Variants in FERMT2 observed in about 807,000 individuals in gnomAD.
FERMT2 encodes FERM domain containing kindlin 2.
A neutral mutation model predicts 82.7 loss-of-function variants in FERMT2; 15 were observed. That is an observed-to-expected ratio of 0.18 (90% CI 0.12 to 0.28). The LOEUF (loss-of-function observed/expected upper bound fraction) is 0.28. FERMT2 is among the 10% of genes least tolerant of loss of function. FERMT2 has a pLI of 1.00. For synonymous variants in FERMT2, 274 were observed against 271.5 expected, an observed-to-expected ratio of 1.01 and a Z score of -0.09; for missense variants, 645 against 809.4, an observed-to-expected ratio of 0.80 and a Z score of 2.46.
At chr14:52,863,810 A>C (rs1055424094) in intron 12 of FERMT2, 4 of 152,216 alleles carry the variant, frequency 2.6e-5, no homozygotes, top group African/African-American at 9.6e-5. Flanking sequence ...TGCTGGCTGC[A>C]CTTTATGTCA....
At chr14:52,889,608 T>C (rs1259671770) in intron 4 of FERMT2, among the ~76,000 whole-genome samples, 1 of 152,188 alleles carries the variant, frequency 6.6e-6, no homozygotes, top group Non-Finnish European at 1.5e-5. Flanking sequence ...TTCTGAGAAA[T>C]GTGTCGTTAA....
Position 52,950,542 on chromosome 14 carries a change from T to G in FERMT2, c.27A>C (p.Pro9=), listed in dbSNP as rs1890581667. The G allele has an allele frequency of 1.9e-6, 3 of 1,614,082 alleles. No homozygotes were observed. The highest frequency in any genetic ancestry group is 1.6e-4 in the Middle Eastern group (1 of 6,084). MALDGIRM[P]DGCYADGTWE... is the part of the protein sequence containing the mutation. ...ACGTCCCGTCCGCGTAGCAGCCATC[T>G]GGCATCCTTATCCCGTCCAGAGCCA... The change falls in exon 2 of 15, where the codon CCA becomes CCC. Residue 9 remains proline, a synonymous_variant. Transcript: ENST00000341590.
At chr14:52,921,423 T>C (rs1192536811) in intron 2 of FERMT2, among the ~76,000 whole-genome samples, 1 of 152,244 alleles carries the variant, frequency 6.6e-6, no homozygotes, top group Non-Finnish European at 1.5e-5. Context: ...GTAACTGCTA[T>C]TTTATAACTA....
chr14:52,861,325 A>G lies in FERMT2; in HGVS notation c.1603-860T>C. ...AACCTAAGGGTAGAAATTTGTAGGG[A>G]GAAGATAAAAAGAGCAAATATTTCT... On this transcript the variant is annotated intron_variant, in intron 12 of 14. Coordinates refer to ENST00000341590, the MANE Select transcript of FERMT2 (RefSeq NM_006832.3). The G allele has an allele frequency of 1.1e-5, 4 of 372,276 alleles. No individual in the cohort carries two copies. In the South Asian group the frequency reaches 1.7e-4, roughly 16 times the overall value. The allele number at this position is 372,276 out of a possible 1,614,324, so 23.1% of individuals were successfully genotyped here. A position where few individuals can be genotyped will look rare whatever the true frequency, so the allele number is the denominator to read the frequency against.
At chr14:52,898,577 T>C (rs563363677) in intron 3 of FERMT2, among the ~76,000 whole-genome samples, 37 of 152,302 alleles carry the variant, frequency 2.4e-4, no homozygotes, top group Admixed American at 4.6e-4. Flanking sequence ...GATCTAATGG[T>C]TTATGAATTC....
chr14:52,885,041 G>A (rs1039542590), intron 4 of FERMT2, among the ~76,000 whole-genome samples: 14 of 151,696 alleles, frequency 9.2e-5, no homozygotes, highest in Admixed American at 3.3e-4. Flanking sequence ...GGCCAGGTGC[G>A]GTGGCTCATG....
At chr14:52,872,548 A>C (rs779454492) in intron 10 of FERMT2, among the ~76,000 whole-genome samples, 1 of 152,236 alleles carries the variant, frequency 6.6e-6, no homozygotes, top group Non-Finnish European at 1.5e-5. Flanking sequence ...AACAAAAAAG[A>C]AAAGTTGAAT....
intron 2 of FERMT2, among the ~76,000 whole-genome samples, chr14:52,927,444 T>C (rs1476453293): frequency 2.0e-5 from 3 of 151,780 alleles, no homozygotes; most frequent in African/African-American, 7.2e-5. Context: ...AATTCCTACT[T>C]GACTGTTTGG....
intron 2 of FERMT2, among the ~76,000 whole-genome samples, chr14:52,920,688 C>T (rs957603812): frequency 6.6e-6 from 1 of 152,166 alleles, no homozygotes; most frequent in Non-Finnish European, 1.5e-5. Flanking sequence ...CACAGTGGCT[C>T]ACGCCTATAA....
intron 14 of FERMT2, 24 bp downstream of exon 14, chr14:52,859,549 C>T (rs1463741299): frequency 6.4e-7 from 1 of 1,574,454 alleles, no homozygotes. Flanking sequence ...GGACTATATT[C>T]AAGTAACATT....
At chr14:52,903,165 G>A (rs1029672112) in intron 3 of FERMT2, among the ~76,000 whole-genome samples, 1 of 151,930 alleles carries the variant, frequency 6.6e-6, no homozygotes. Flanking sequence ...ATTTCAAAAT[G>A]GCAGGGAAAA....
chr14:52,874,118 G>GAAACAGTTAGTTTCA, intron 9 of FERMT2, 59 bp downstream of exon 9: 1 of 1,121,874 alleles, frequency 8.9e-7, no homozygotes, highest in Non-Finnish European at 1.3e-6. Flanking sequence ...TCAATAATGT[G>GAAACAGTTAGTTTCA]ACCATGACTA....
chr14:52,938,097 G>C (rs1047655426), intron 2 of FERMT2, among the ~76,000 whole-genome samples: 6 of 152,182 alleles, frequency 3.9e-5, no homozygotes, highest in African/African-American at 1.2e-4. Flanking sequence ...GGGTCACAAA[G>C]CTTGTAAGTA....
At chr14:52,887,483 T>TA (rs199841060) in intron 4 of FERMT2, among the ~76,000 whole-genome samples, 28 of 148,286 alleles carry the variant, frequency 1.9e-4, no homozygotes, top group East Asian at 3.9e-4. Flanking sequence ...CCCTGTCCCT[T>TA]AAAAAAAAAA....
chr14:52,875,592 C>G (rs17125843), intron 7 of FERMT2, among the ~76,000 whole-genome samples: 8,526 of 151,984 alleles, frequency 0.056, 762 homozygotes, highest in African/African-American at 0.19. Flanking sequence ...TCATCATTTG[C>G]GGGCTCTAAG....
At chr14:52,919,452 C>A (rs200623443) in intron 2 of FERMT2, 96 bp from the exon 3 acceptor site, 1 of 582,498 alleles carries the variant, frequency 1.7e-6, no homozygotes, top group Non-Finnish European at 2.7e-6. Context: ...TATTTAACAG[C>A]AATAATTAAC....
chr14:52,901,639 G>A (rs1302371238), intron 3 of FERMT2, among the ~76,000 whole-genome samples: 2 of 152,114 alleles, frequency 1.3e-5, no homozygotes, highest in Non-Finnish European at 2.9e-5. Flanking sequence ...ATAGAGGAAG[G>A]GGGCAACAAG....
At chr14:52,925,632 C>T (rs946014859) in intron 2 of FERMT2, among the ~76,000 whole-genome samples, 9 of 150,466 alleles carry the variant, frequency 6.0e-5, no homozygotes, top group Admixed American at 6.0e-4. Flanking sequence ...TAGTTTATCT[C>T]GATGCAGCAA....
At chr14:52,942,390 C>T (rs1049254331) in intron 2 of FERMT2, among the ~76,000 whole-genome samples, 1 of 151,556 alleles carries the variant, frequency 6.6e-6, no homozygotes, top group Admixed American at 6.6e-5. Flanking sequence ...GCAAGCTCCC[C>T]CTTCTGGGTT....
Sources: gnomAD v4.1 joint callset for allele counts (sites outside exome capture counted in the v4.1 genomes callset) on GRCh38, gnomAD v4.1.1 for gene constraint, MANE v1.5 for transcripts, NCBI Gene and HGNC (gene_info 2026-07-23, HGNC 2026-07-21) for gene names.